PRKCE: variants seen among roughly 807,000 people sequenced by gnomAD.
PRKCE encodes the protein protein kinase C epsilon type.
In PRKCE, 16 loss-of-function variants were observed where a neutral mutation model predicts 85.4. That is an observed-to-expected ratio of 0.19 (90% CI 0.13 to 0.28). PRKCE has a LOEUF of 0.28. Ranked by LOEUF, PRKCE falls within the 10% of genes least tolerant of loss-of-function variation. The pLI, the probability that PRKCE is intolerant of heterozygous loss-of-function variation, is 1.00. For synonymous variants in PRKCE, 388 were observed against 371.5 expected, an observed-to-expected ratio of 1.04 and a Z score of -0.51; for missense variants, 573 against 975.2, an observed-to-expected ratio of 0.59 and a Z score of 5.49.
At chr2:45,754,897 G>T (rs576560310) in intron 1 of PRKCE, among the ~76,000 whole-genome samples, 8 of 152,232 alleles carry the variant, frequency 5.3e-5, no homozygotes, top group African/African-American at 1.9e-4. Context: ...GTGCGAGGCT[G>T]CCAGGAGGGA....
chr2:45,781,482 A>G (rs1001483442), intron 1 of PRKCE, among the ~76,000 whole-genome samples: 2 of 152,040 alleles, frequency 1.3e-5, no homozygotes, highest in African/African-American at 4.8e-5. Context: ...TACCTTAATG[A>G]CAATTTGTTT....
At chr2:45,877,763 C>G (rs187801381) in intron 2 of PRKCE, among the ~76,000 whole-genome samples, 205 of 152,218 alleles carry the variant, frequency 1.3e-3, no homozygotes, top group Non-Finnish European at 2.8e-4. Flanking sequence ...CCCTTTGAAA[C>G]TGATCCAATA....
At position 45,905,788 on chromosome 2, in the gene PRKCE, T is replaced by C. The variant is rs1696926701; in HGVS notation, c.412+62725T>C. 6.6e-6 allele frequency among the ~76,000 whole-genome samples: 1 copy of C among 152,198 alleles called. No homozygotes were observed. Among genetic ancestry groups the C allele is most frequent in the Admixed American group, 6.5e-5 (1 of 15,286 alleles). On this transcript the variant is annotated intron_variant, in intron 2 of 14. Transcript: ENST00000306156. This position sits in a 1 kb window ranked among gnomAD's most constrained non-coding sequence, Gnocchi z 4.4. ...TCTTTATAGTCCCTGAACACACGTG[T>C]TGACCTGAACTGCTTACTCAACTCT...
intron 1 of PRKCE, among the ~76,000 whole-genome samples, chr2:45,656,887 C>A (rs930507136): frequency 3.9e-5 from 6 of 152,134 alleles, no homozygotes; most frequent in African/African-American, 1.4e-4. Context: ...GACTGTATAA[C>A]TTTATAATTT....
At chr2:45,881,046 G>C (rs1201689122) in intron 2 of PRKCE, among the ~76,000 whole-genome samples, 2 of 151,122 alleles carry the variant, frequency 1.3e-5, no homozygotes, top group Admixed American at 1.3e-4. Context: ...CCAGCTACTT[G>C]GGAGGCTGAG....
At chr2:45,863,405 C>T (rs780301504) in intron 2 of PRKCE, among the ~76,000 whole-genome samples, 2 of 152,098 alleles carry the variant, frequency 1.3e-5, no homozygotes, top group Non-Finnish European at 2.9e-5. Context: ...TAAAATAGCA[C>T]TTGCAAAGTC....
chr2:45,758,887 G>C (rs1684216443), intron 1 of PRKCE, among the ~76,000 whole-genome samples: 1 of 152,182 alleles, frequency 6.6e-6, no homozygotes, highest in South Asian at 2.1e-4. Flanking sequence ...AAAGTGCAGA[G>C]GGTGCATTGC....
At chr2:46,006,674 T>C (rs1705226125) in intron 8 of PRKCE, among the ~76,000 whole-genome samples, 1 of 152,234 alleles carries the variant, frequency 6.6e-6, no homozygotes. Context: ...AATGAGTTGC[T>C]AACAGTAAAG....
intron 1 of PRKCE, among the ~76,000 whole-genome samples, chr2:45,757,305 CAAAAAAAAAAAA>C (rs35603923): frequency 1.4e-3 from 69 of 50,810 alleles, no homozygotes; most frequent in Admixed American, 8.3e-3. Context: ...AGACTGTCTC[CAAAAAAAAAAAA>C]AAAAAAAAAA....
chr2:45,898,646 A>C (rs149072702), intron 2 of PRKCE, among the ~76,000 whole-genome samples: 1 of 152,210 alleles, frequency 6.6e-6, no homozygotes, highest in African/African-American at 2.4e-5. Context: ...GGCTGTTACT[A>C]TCATTACCAC....
intron 2 of PRKCE, among the ~76,000 whole-genome samples, chr2:45,941,076 A>G (rs1382724666): frequency 6.7e-6 from 1 of 150,230 alleles, no homozygotes; most frequent in Non-Finnish European, 1.5e-5. Flanking sequence ...AAAAAAAAAA[A>G]AAAAAAAAAA....
intron 2 of PRKCE, among the ~76,000 whole-genome samples, chr2:45,938,608 A>G (rs1699648929): frequency 1.3e-5 from 2 of 152,052 alleles, no homozygotes; most frequent in South Asian, 4.2e-4. Context: ...CTGGCCTCCA[A>G]TTTGCATTCT....
At chr2:45,703,021 T>TCC (rs11445755) in intron 1 of PRKCE, among the ~76,000 whole-genome samples, 39,669 of 149,460 alleles carry the variant, frequency 0.27, 5,380 homozygotes, top group Middle Eastern at 0.34. Context: ...AAGCCTTTTT[T>TCC]CCCCCCCCGT....
chr2:46,079,615 A>T (rs1435052656), intron 10 of PRKCE, among the ~76,000 whole-genome samples: 1 of 152,268 alleles, frequency 6.6e-6, no homozygotes, highest in Non-Finnish European at 1.5e-5. Context: ...CATATCAAGT[A>T]TGGGCTGTTC....
intron 1 of PRKCE, among the ~76,000 whole-genome samples, chr2:45,739,514 C>G (rs1329054403): frequency 2.0e-5 from 3 of 152,176 alleles, no homozygotes; most frequent in Non-Finnish European, 4.4e-5. Flanking sequence ...TGTCCAGTCT[C>G]TTAAAATTCT....
At chr2:45,663,299 G>A (rs997365631) in intron 1 of PRKCE, among the ~76,000 whole-genome samples, 4 of 152,190 alleles carry the variant, frequency 2.6e-5, no homozygotes, top group African/African-American at 9.7e-5. Context: ...ATATTCTCAA[G>A]TGGGCCATTC....
intron 14 of PRKCE, among the ~76,000 whole-genome samples, chr2:46,164,149 T>C (rs1158859724): frequency 6.6e-6 from 1 of 152,194 alleles, no homozygotes. Flanking sequence ...GAAAACTGGT[T>C]TAGATCCCGA....
chr2:46,171,827 A>T (rs1678929045), intron 14 of PRKCE, among the ~76,000 whole-genome samples: 1 of 152,210 alleles, frequency 6.6e-6, no homozygotes, highest in African/African-American at 2.4e-5. Flanking sequence ...CACAAGGCAG[A>T]TGCGCATGTG....
intron 14 of PRKCE, among the ~76,000 whole-genome samples, chr2:46,179,066 A>G (rs1278804270): frequency 6.6e-6 from 1 of 152,128 alleles, no homozygotes; most frequent in Non-Finnish European, 1.5e-5. Flanking sequence ...TCACTATGCT[A>G]CTTGTGCTGT....
Sources: gnomAD v4.1 joint callset for allele counts (sites outside exome capture counted in the v4.1 genomes callset) on GRCh38, gnomAD v4.1.1 for gene constraint, Gnocchi (gnomAD v3.1) non-coding constraint, MANE v1.5 for transcripts, NCBI Gene and HGNC (gene_info 2026-07-23, HGNC 2026-07-21) for gene names.